Variants in HUWE1 observed in about 807,000 individuals in gnomAD.
HUWE1 encodes E3 ubiquitin-protein ligase HUWE1.
Under a neutral mutation model 299.4 loss-of-function variants are expected in HUWE1, and 18 were observed. The observed-to-expected ratio is 0.06, with a 90% CI of 0.04 to 0.09. The LOEUF (loss-of-function observed/expected upper bound fraction) is 0.09. Ranked by LOEUF, HUWE1 falls within the 10% of genes least tolerant of loss-of-function variation. The probability of loss-of-function intolerance (pLI) is 1.00; values close to 1 mark genes in which losing one functional copy is unlikely to be tolerated. For synonymous variants in HUWE1, 1,317 were observed against 1,286.1 expected (o/e 1.02, Z -0.51); for missense variants, 1,832 against 3,462.3 (o/e 0.53, Z 11.82).
At position 53,647,482 on chromosome X, in the gene HUWE1, G is replaced by A. The variant is rs186948571; in HGVS notation, c.237C>T (p.Leu79=). The A allele has an allele frequency of 2.5e-6, 3 of 1,205,493 alleles. No homozygotes were observed. Among genetic ancestry groups the A allele is most frequent in the South Asian group, 3.5e-5 (2 of 56,823 alleles). ...GCTCTCTTTCTGGCCTATCACATAC[G>A]AGCATCCATGACATATTCTCCACTG... The part of the protein sequence containing the change: ...GQTVENMSWM[L]VCDRPEREQL... The change falls in exon 6 of 84, where the codon CTC becomes CTT. Residue 79 remains leucine, a synonymous_variant. Transcript: ENST00000262854.
At chrX:53,549,595 A>T in intron 66 of HUWE1, 90 bp from the exon 67 acceptor site, 2 of 794,435 alleles carry the variant, frequency 2.5e-6, no homozygotes, top group Non-Finnish European at 3.7e-6. Flanking sequence ...TGAGCTAGGT[A>T]TCTCCAAGGA....
In HUWE1 at chrX:53,600,195, G is replaced by A; in HGVS notation, c.3086C>T (p.Ala1029Val). 1.7e-6 allele frequency: 2 copies of A among 1,210,073 alleles called. No individual in the cohort carries two copies. Among genetic ancestry groups the A allele is most frequent in the Non-Finnish European group, 2.2e-6 (2 of 893,811 alleles). Residue 1029 changes from alanine to valine, a missense_variant, in exon 29 of 84, where the codon GCT becomes GTT. This residue lies in a region of HUWE1 where 658 missense variants were observed against 1,282.6 expected (regional missense o/e 0.51). Transcript: ENST00000262854. ...TTTAGATTTGCCCTTAGAGTCTGAA[G>A]CAGTAGGTTCATCTGTCTCCATGGG... is the stretch of plus-strand genomic sequence containing the variant. The part of the protein sequence containing the change: ...LAPMETDEPT[A>V]SDSKGKSKIT...
At position 53,604,627 on chromosome X, in the gene HUWE1, A is replaced by T. The variant is rs782270968; in HGVS notation, c.2704T>A (p.Tyr902Asn). Residue 902 changes from tyrosine (Y) to asparagine (N), a missense_variant, in exon 26 of 84, where the codon TAC becomes AAC. Coordinates refer to ENST00000262854, the MANE Select transcript of HUWE1 (RefSeq NM_031407.7). ...LLHALTAAHA[Y>N]IMMFVHTCRV... ...CAAGTATGAACAAACATCATGATGTAGGCATGGGCAGCAGTGAGTGCATGC... is the reference window on the plus strand; with the variant it reads ...CAAGTATGAACAAACATCATGATGTTGGCATGGGCAGCAGTGAGTGCATGC... 8.3e-7 allele frequency: 1 copy of T among 1,211,247 alleles called. No homozygotes were observed. Among genetic ancestry groups the T allele is most frequent in the African/African-American group, 1.7e-5 (1 of 57,858 alleles).
chrX:53,538,372 G>T lies in HUWE1; in HGVS notation c.11961C>A (p.Asp3987Glu). The T allele has an allele frequency of 8.3e-7, 1 of 1,208,253 alleles. No individual in the cohort carries two copies. The highest frequency in any genetic ancestry group is 1.1e-6 in the Non-Finnish European group (1 of 892,496). Residue 3987 changes from aspartate (D) to glutamate (E), a missense_variant, in exon 77 of 84, where the codon GAC becomes GAA. Transcript: ENST00000262854. ...LADGPFAVLV[D>E]YIRVLDFDVK... is the part of the protein sequence containing the mutation. ...CATCAAAGTCGAGGACACGAATGTA[G>T]TCTACCAGGACAGCAAAAGGCCCAT...
chrX:53,674,830 T>C (rs1410868088), intron 3 of HUWE1, among the ~76,000 whole-genome samples: 1 of 111,908 alleles, frequency 8.9e-6, no homozygotes, highest in Admixed American at 9.5e-5. Context: ...CAATAAATAT[T>C]TGTTAAATGA....
intron 39 of HUWE1, among the ~76,000 whole-genome samples, chrX:53,585,790 G>A (rs1482892980): frequency 1.8e-5 from 2 of 111,739 alleles, no homozygotes; most frequent in African/African-American, 3.3e-5. Context: ...AGGCTCAAGT[G>A]ATCTCCCCAC....
chrX:53,652,222 T>C (rs1286790121), intron 4 of HUWE1, among the ~76,000 whole-genome samples: 1 of 112,236 alleles, frequency 8.9e-6, no homozygotes, highest in African/African-American at 3.2e-5. Flanking sequence ...ATGGTTTTTT[T>C]CCTTTGTTTT....
rs1316377375 is a variant in HUWE1 at position 53,614,798 on chromosome X, A to C, written c.2050-53T>G. The C allele has an allele frequency of 4.7e-6, 4 of 855,801 alleles. No individual in the cohort carries two copies. In the African/African-American group the frequency reaches 5.9e-5, roughly 13 times the overall value. 70.5% of individuals were successfully genotyped at this position (855,801 alleles called of 1,213,427 possible). ...TATTAGTAATCATGGAATGGGGAGG[A>C]GGAGACAGCTAACATATTTAGAGCG... On this transcript the variant is annotated intron_variant, in intron 22 of 83. Coordinates refer to ENST00000262854, the MANE Select transcript of HUWE1 (RefSeq NM_031407.7).
Position 53,537,655 on chromosome X carries a change from C to T in HUWE1, c.12038G>A (p.Arg4013Gln), listed in dbSNP as rs781815100. The change falls in exon 78 of 84, where the codon CGG becomes CAG. Residue 4013 changes from arginine (R) to glutamine (Q), a missense_variant. Around this residue, in one of 15 missense-constraint regions of HUWE1, gnomAD observed 129 missense variants for 439.4 expected, o/e 0.29. Transcript: ENST00000262854. ...QELERLDEGL[R>Q]KEDMAVHVRR... ...GACATGCACAGCCATGTCTTCTTTC[C>T]GGAGCCCCTCATCTAAACGCTCCAG... 8.3e-7 allele frequency: 1 copy of T among 1,208,364 alleles called. No individual in the cohort carries two copies.
intron 2 of HUWE1, among the ~76,000 whole-genome samples, chrX:53,684,800 T>TC (rs1316788694): frequency 8.9e-6 from 1 of 112,222 alleles, no homozygotes; most frequent in Non-Finnish European, 1.9e-5. Context: ...CCAGACTCCT[T>TC]CCCTCGCCGC....
In HUWE1 at chrX:53,532,122, TTTA is replaced by T. The variant is rs1218008399; in HGVS notation, c.*1184_*1186del. ...TGGGGTTATTTTTTCTAACTAAATT[TTTA>T]TTAAATTATTTTTTCTTTGAAGGCT... is the stretch of plus-strand genomic sequence containing the variant. On this transcript the variant is annotated 3_prime_UTR_variant, in exon 84 of 84. Transcript: ENST00000262854. 1 of 111,232 alleles carries T rather than the reference TTTA, an allele frequency of 9.0e-6. No individual in the cohort carries two copies. The highest frequency in any genetic ancestry group is 1.9e-5 in the Non-Finnish European group (1 of 53,069). The allele number at this position is 111,232 out of a possible 1,213,427, so 9.2% of individuals were successfully genotyped here. A position where few individuals can be genotyped will look rare whatever the true frequency, so the allele number is the denominator to read the frequency against.
chrX:53,653,779 T>C (rs1225659940), intron 4 of HUWE1, among the ~76,000 whole-genome samples: 1 of 112,293 alleles, frequency 8.9e-6, no homozygotes, highest in Non-Finnish European at 1.9e-5. Context: ...ACATCCTTTC[T>C]GCATAGGAAG....
At chrX:53,594,050 T>G (rs886127839) in intron 31 of HUWE1, among the ~76,000 whole-genome samples, 5 of 110,557 alleles carry the variant, frequency 4.5e-5, no homozygotes, top group African/African-American at 1.6e-4. Flanking sequence ...TGAGTTGAGT[T>G]TGCGCCACTG....
At chrX:53,536,977 T>A (rs782558326) in intron 78 of HUWE1, among the ~76,000 whole-genome samples, 3 of 111,759 alleles carry the variant, frequency 2.7e-5, no homozygotes, top group Non-Finnish European at 5.7e-5. Context: ...AAAGTGGTAT[T>A]AGAGAGGGAT....
chrX:53,597,020 C>A (rs2064520706), intron 29 of HUWE1, among the ~76,000 whole-genome samples: 1 of 111,840 alleles, frequency 8.9e-6, no homozygotes, highest in African/African-American at 3.3e-5. Flanking sequence ...TATGTGGGTA[C>A]AGGATTGCCA....
chrX:53,573,955 G>A lies in HUWE1; in HGVS notation c.6107C>T (p.Pro2036Leu), dbSNP rs782738782. Residue 2036 changes from proline (P) to leucine (L), a missense_variant, in exon 47 of 84, where the codon CCA (proline) becomes CTA (leucine). Transcript: ENST00000262854. ...SGTSQGEAST[P>L]EESRDGKKDK... is the part of the protein sequence containing the mutation. The stretch of plus-strand genomic sequence containing the variant: ...TTTCTTCCCATCTCGAGACTCCTCT[G>A]GAGTTGAAGCTGTTGAGAAAAGTCA... The A allele has an allele frequency of 3.3e-6, 4 of 1,206,124 alleles. No homozygotes were observed. In the African/African-American group the frequency reaches 5.3e-5, roughly 16 times the overall value.
chrX:53,619,590 G>GAAAAAAAAAAAAAAAA (rs35685121), intron 19 of HUWE1, among the ~76,000 whole-genome samples: 5 of 41,157 alleles, frequency 1.2e-4, no homozygotes, highest in Admixed American at 3.4e-4. Context: ...AGAAATAGAA[G>GAAAAAAAAAAAAAAAA]AAAAAAAAAA....
In HUWE1 at chrX:53,558,737, C is replaced by G; in HGVS notation, c.8078G>C (p.Arg2693Pro). ...TTCTTCCTCAGCCAGTTGTTTCCTGCGCTTCTCTCGCCTTTCTTCCAGCTC... is the reference window on the plus strand; with the variant it reads ...TTCTTCCTCAGCCAGTTGTTTCCTGGGCTTCTCTCGCCTTTCTTCCAGCTC... ...DEELEERREK[R>P]RKQLAEEETK... is the part of the protein sequence containing the mutation. Residue 2693 changes from arginine to proline, a missense_variant, in exon 59 of 84, where the codon CGC becomes CCC. Physicochemically the swap from Arg to Pro is moderately radical, Grantham distance 103. Transcript: ENST00000262854. The G allele has an allele frequency of 8.3e-7, 1 of 1,209,498 alleles. No individual in the cohort carries two copies. The highest frequency in any genetic ancestry group is 2.2e-5 in the Admixed American group (1 of 45,987).
intron 49 of HUWE1, among the ~76,000 whole-genome samples, 171 bp downstream of exon 49, chrX:53,568,521 T>G (rs1441492422): frequency 5.4e-5 from 6 of 111,124 alleles, no homozygotes; most frequent in Non-Finnish European, 1.1e-4. Context: ...CTTGAGTTTA[T>G]AGCAAGTAAG....
Sources: allele counts gnomAD v4.1 joint callset (sites outside exome capture counted in the v4.1 genomes callset), GRCh38; gene constraint gnomAD v4.1.1; regional missense constraint gnomAD v4.1.1; transcripts MANE v1.5; gene names NCBI Gene and HGNC (gene_info 2026-07-23, HGNC 2026-07-21).